Variants in NUDT6 observed in about 807,000 individuals in gnomAD.
NUDT6 encodes the protein nudix hydrolase 6, also known as FAD diphosphatase NUDT6.
NUDT6 carries 24 observed loss-of-function variants against 36.8 expected under a neutral mutation model. The ratio of observed to expected loss-of-function variants is 0.65; its 90% CI spans 0.47 to 0.92. The LOEUF (loss-of-function observed/expected upper bound fraction) is 0.92, where lower values mean the gene tolerates loss of function less well. Among genes scored for constraint, NUDT6 ranks in the 40% least tolerant of loss-of-function variants. The pLI, the probability that NUDT6 is intolerant of heterozygous loss-of-function variation, is 0.00. For synonymous variants in NUDT6, 163 were observed against 157.0 expected (o/e 1.04, Z -0.29); for missense variants, 388 against 392.8 (o/e 0.99, Z 0.10).
upstream of NUDT6, chr4:122,922,675 G>C: frequency 1.0e-6 from 1 of 997,856 alleles, no homozygotes; most frequent in Non-Finnish European, 1.5e-6. Context: ...TACCCTCAGA[G>C]TTGAGCTGGG....
intron 2 of NUDT6, among the ~76,000 whole-genome samples, chr4:122,914,432 T>C (rs982215783): frequency 1.3e-5 from 2 of 152,224 alleles, no homozygotes; most frequent in Non-Finnish European, 1.5e-5. Context: ...AACTTGTCCC[T>C]AATGAATTCA....
chr4:122,918,281 A>G (rs1727894173), intron 1 of NUDT6: 1 of 152,678 alleles, frequency 6.5e-6, no homozygotes, highest in Non-Finnish European at 1.5e-5. Context: ...CTTATTATAG[A>G]TAATATCATG....
intron 3 of NUDT6, among the ~76,000 whole-genome samples, chr4:122,912,195 G>A (rs1013896451): frequency 4.6e-5 from 7 of 152,180 alleles, no homozygotes; most frequent in African/African-American, 1.7e-4. Flanking sequence ...AGGGCATAAG[G>A]TATATCGTCT....
At chr4:122,905,062 C>T (rs954603228) in intron 3 of NUDT6, among the ~76,000 whole-genome samples, 32 of 152,222 alleles carry the variant, frequency 2.1e-4, no homozygotes, top group African/African-American at 7.7e-4. Flanking sequence ...GTTGCCACTG[C>T]TGGCTGAAGT....
chr4:122,922,883 T>C (rs1728134665), upstream of NUDT6: 1 of 568,244 alleles, frequency 1.8e-6, no homozygotes, highest in East Asian at 3.0e-5. Flanking sequence ...GTCCTGTTTT[T>C]CAGGAATTTA....
chr4:122,899,585 G>A (rs1044450589), intron 3 of NUDT6, among the ~76,000 whole-genome samples: 1 of 152,140 alleles, frequency 6.6e-6, no homozygotes, highest in African/African-American at 2.4e-5. Context: ...TCAGTAGTGA[G>A]ATGAGCATGT....
intron 1 of NUDT6, chr4:122,919,407 G>C (rs940972292): frequency 6.6e-6 from 1 of 152,250 alleles, no homozygotes; most frequent in Non-Finnish European, 1.5e-5. Context: ...AGTAAAGACG[G>C]GGTTTCATCA....
chr4:122,900,054 G>GCCCCCCCCCCCCC (rs1159974688), intron 3 of NUDT6, among the ~76,000 whole-genome samples: 1 of 84,156 alleles, frequency 1.2e-5, no homozygotes, highest in Non-Finnish European at 2.3e-5. Flanking sequence ...ATGCACCCCC[G>GCCCCCCCCCCCCC]CCACCCCCCC....
chr4:122,894,690 T>C (rs1429635210), intron 4 of NUDT6: 2 of 152,248 alleles, frequency 1.3e-5, no homozygotes, highest in Non-Finnish European at 1.5e-5. Flanking sequence ...TAGTCTTAAA[T>C]TGTATAAAAT....
At position 122,893,086 on chromosome 4, in the gene NUDT6, T is replaced by C; in HGVS notation, c.693A>G (p.Pro231=). 6.2e-7 allele frequency: 1 copy of C among 1,614,200 alleles called. No homozygotes were observed. Among genetic ancestry groups the C allele is most frequent in the Non-Finnish European group, 8.5e-7 (1 of 1,180,042 alleles). ...SDMYIICRLK[P]YSFTINFCQE... is the part of the protein sequence containing the mutation. ...GGCAAAAATTTATGGTGAATGAATA[T>C]GGCTTTAGGCGGCAGATGATATACA... is the stretch of plus-strand genomic sequence containing the variant. Residue 231 remains proline, a synonymous_variant, in exon 5 of 5, where the codon CCA becomes CCG. Transcript: ENST00000304430.
chr4:122,900,824 ATC>A (rs1418287026), intron 3 of NUDT6, among the ~76,000 whole-genome samples: 7 of 152,030 alleles, frequency 4.6e-5, no homozygotes, highest in African/African-American at 1.7e-4. Flanking sequence ...ATGTCTTTGT[ATC>A]TATCTGTTGC....
intron 3 of NUDT6, among the ~76,000 whole-genome samples, chr4:122,902,694 C>T (rs1727547943): frequency 6.6e-6 from 1 of 152,156 alleles, no homozygotes; most frequent in Non-Finnish European, 1.5e-5. Flanking sequence ...TGGGTCCCTA[C>T]CCTTAACTCT....
intron 2 of NUDT6, among the ~76,000 whole-genome samples, chr4:122,914,130 A>G (rs1727784083): frequency 6.6e-6 from 1 of 152,230 alleles, no homozygotes; most frequent in South Asian, 2.1e-4. Flanking sequence ...CAAACAAAAA[A>G]TAAATTATAT....
chr4:122,898,855 G>A (rs185204371), intron 3 of NUDT6, among the ~76,000 whole-genome samples: 14 of 152,106 alleles, frequency 9.2e-5, no homozygotes, highest in Admixed American at 4.6e-4. Flanking sequence ...TCTTTGTCTT[G>A]ACAAGATGTT....
At position 122,893,279 on chromosome 4, in the gene NUDT6, TATC is replaced by T. The variant is rs1185617908; in HGVS notation, c.554-57_554-55del. The T allele has an allele frequency of 3.8e-5, 57 of 1,488,754 alleles. No individual in the cohort carries two copies. In the African/African-American group the frequency reaches 4.9e-4, roughly 13 times the overall value. 92.2% of individuals were successfully genotyped at this position (1,488,754 alleles called of 1,614,324 possible). A position where few individuals can be genotyped will look rare whatever the true frequency, so the allele number is the denominator to read the frequency against. On this transcript the variant is annotated intron_variant, in intron 4 of 4. Coordinates refer to ENST00000304430, the MANE Select transcript of NUDT6 (RefSeq NM_007083.5). Reference sequence around the variant, plus strand: ...ATAATAATTACACTTTTAGAAACTGTATCATCAAAGATTTTCAGTTAAAGTAGC... The same window carrying T: ...ATAATAATTACACTTTTAGAAACTGTATCAAAGATTTTCAGTTAAAGTAGC...
rs1340352627 is a variant in NUDT6, at chr4:122,915,480, A to AC, written c.442+2020_442+2021insG. ...GTGAGACCCTGCCTCAAAAAAAAAA[A>AC]AAAAAAAAAAAAAAAAAACAACTCT... On this transcript the variant is annotated intron_variant, in intron 2 of 4. Transcript: ENST00000304430. Among the ~76,000 whole-genome samples the AC allele has an allele frequency of 1.3e-3, 129 of 97,734 alleles. 2 individuals are homozygous for AC. The highest frequency in any genetic ancestry group is 5.6e-3 in the South Asian group (15 of 2,686). 64.1% of individuals were successfully genotyped at this position (97,734 alleles called of 152,430 possible). A position where few individuals can be genotyped will look rare whatever the true frequency, so the allele number is the denominator to read the frequency against.
Position 122,922,588 on chromosome 4 carries a change from T to G in NUDT6, c.-16A>C. The G allele has an allele frequency of 6.3e-7, 1 of 1,583,464 alleles. No individual in the cohort carries two copies. Reference sequence around the variant, plus strand: ...GCTGCCGCATCTCCACGCCGCTTAATTCGTCCGTTGCCCAAATGACCCCTC... The same window carrying G: ...GCTGCCGCATCTCCACGCCGCTTAAGTCGTCCGTTGCCCAAATGACCCCTC... On this transcript the variant is annotated 5_prime_UTR_variant, in exon 1 of 5. Coordinates refer to ENST00000304430, the MANE Select transcript of NUDT6 (RefSeq NM_007083.5).
At chr4:122,914,898 AT>A (rs1227400954) in intron 2 of NUDT6, among the ~76,000 whole-genome samples, 1 of 152,170 alleles carries the variant, frequency 6.6e-6, no homozygotes, top group Non-Finnish European at 1.5e-5. Context: ...AATATAATTA[AT>A]TTACATACAT....
In NUDT6 at chr4:122,892,824, G is replaced by A; in HGVS notation, c.*4C>T. ...TACATGTTTCTAAACATATAAATGT[G>A]AATTTAATCAATTCCTTTCATAGTT... On this transcript the variant is annotated 3_prime_UTR_variant, in exon 5 of 5. Coordinates refer to ENST00000304430, the MANE Select transcript of NUDT6 (RefSeq NM_007083.5). The A allele has an allele frequency of 6.3e-7, 1 of 1,585,474 alleles. No individual in the cohort carries two copies. Among genetic ancestry groups the A allele is most frequent in the Non-Finnish European group, 8.6e-7 (1 of 1,162,036 alleles).
Sources: gnomAD v4.1 joint callset for allele counts (sites outside exome capture counted in the v4.1 genomes callset) on GRCh38, gnomAD v4.1.1 for gene constraint, MANE v1.5 for transcripts, NCBI Gene and HGNC (gene_info 2026-07-23, HGNC 2026-07-21) for gene names.